Variants in PIKFYVE observed in about 807,000 individuals in gnomAD.
PIKFYVE encodes the protein phosphoinositide kinase, FYVE-type zinc finger containing, also known as 1-phosphatidylinositol 3-phosphate 5-kinase.
In PIKFYVE, 122 loss-of-function variants were observed where a neutral mutation model predicts 257.9. The ratio of observed to expected loss-of-function variants is 0.47; its 90% confidence interval spans 0.41 to 0.55. PIKFYVE has a LOEUF of 0.55. Ranked by LOEUF, PIKFYVE falls within the 20% of genes least tolerant of loss-of-function variation. PIKFYVE has a pLI of 0.00. For missense variants in PIKFYVE, 2,160 were observed against 2,536.6 expected (o/e 0.85, Z 3.19); for synonymous variants, 892 against 868.9 (o/e 1.03, Z -0.47).
chr2:208,328,752 T>C (rs953306114), intron 21 of PIKFYVE, among the ~76,000 whole-genome samples: 2 of 152,238 alleles, frequency 1.3e-5, no homozygotes, highest in Non-Finnish European at 2.9e-5. Context: ...ACAAAGTTTG[T>C]ATACATTGAA....
At chr2:208,267,761 C>T in intron 1 of PIKFYVE, among the ~76,000 whole-genome samples, 1 of 152,286 alleles carries the variant, frequency 6.6e-6, no homozygotes, top group East Asian at 1.9e-4. Context: ...CCCGCCTCGG[C>T]CTCCCAAGGT....
chr2:208,270,907 G>T (rs1301970240), intron 1 of PIKFYVE, among the ~76,000 whole-genome samples: 2 of 151,748 alleles, frequency 1.3e-5, no homozygotes, highest in Non-Finnish European at 2.9e-5. Context: ...TGGTGACTGC[G>T]CACCTATAGT....
intron 3 of PIKFYVE, among the ~76,000 whole-genome samples, chr2:208,274,824 C>T (rs1360994399): frequency 2.0e-5 from 3 of 152,224 alleles, no homozygotes; most frequent in African/African-American, 7.2e-5. Flanking sequence ...CACAACAACA[C>T]TCTTTTTGTT....
chr2:208,289,073 G>T (rs1401467925), intron 7 of PIKFYVE, among the ~76,000 whole-genome samples: 1 of 152,206 alleles, frequency 6.6e-6, no homozygotes, highest in Non-Finnish European at 1.5e-5. Flanking sequence ...AAGACGTGAA[G>T]GATGTGAGGG....
chr2:208,319,971 A>T (rs1453151987), intron 16 of PIKFYVE, among the ~76,000 whole-genome samples: 2 of 152,004 alleles, frequency 1.3e-5, no homozygotes, highest in Non-Finnish European at 2.9e-5. Flanking sequence ...GTCTCTTCTT[A>T]CAACATCAGA....
At chr2:208,272,167 G>A (rs371950854) in intron 2 of PIKFYVE, among the ~76,000 whole-genome samples, 5 of 151,918 alleles carry the variant, frequency 3.3e-5, no homozygotes, top group Admixed American at 6.6e-5. Flanking sequence ...CCCAGGAGGC[G>A]GGGCTTGCAG....
chr2:208,317,698 G>GAGAT (rs1416473560), intron 15 of PIKFYVE, among the ~76,000 whole-genome samples, 169 bp from the exon 16 acceptor site: 1 of 152,174 alleles, frequency 6.6e-6, no homozygotes, highest in African/African-American at 2.4e-5. Flanking sequence ...GAGTCATGCA[G>GAGAT]AGATGCCATT....
At position 208,302,349 on chromosome 2, in the gene PIKFYVE, T is replaced by C; in HGVS notation, c.1316T>C (p.Leu439Pro). The C allele has an allele frequency of 6.2e-7, 1 of 1,613,094 alleles. No individual in the cohort carries two copies. Among genetic ancestry groups the C allele is most frequent in the Non-Finnish European group, 8.5e-7 (1 of 1,179,100 alleles). ...FRDEYALYRP[L>P]QSTEFSETPS... Reference sequence around the variant, plus strand: ...GATGAGTATGCGCTGTATAGACCACTGCAGGTACTTTTCAGTGTTTACTGC... The same window carrying C: ...GATGAGTATGCGCTGTATAGACCACCGCAGGTACTTTTCAGTGTTTACTGC... The change falls in exon 10 of 42, where the codon CTG (leucine) becomes CCG (proline). Residue 439 changes from leucine (L) to proline (P), a missense_variant. This residue lies in a region of PIKFYVE where 90 missense variants were observed against 110.6 expected (regional missense o/e 0.81). Coordinates refer to ENST00000264380, the MANE Select transcript of PIKFYVE (RefSeq NM_015040.4).
intron 12 of PIKFYVE, among the ~76,000 whole-genome samples, chr2:208,307,825 ATC>A (rs929123358): frequency 5.3e-5 from 8 of 151,596 alleles, no homozygotes; most frequent in African/African-American, 1.2e-4. Flanking sequence ...ACATTTAATG[ATC>A]TCTCAATAAT....
Position 208,335,841 on chromosome 2 carries a change from A to G in PIKFYVE, c.4305A>G (p.Lys1435=). 6.2e-7 allele frequency: 1 copy of G among 1,613,284 alleles called. No homozygotes were observed. The highest frequency in any genetic ancestry group is 8.5e-7 in the Non-Finnish European group (1 of 1,179,482). ...TTGATGAAAGACTTGCATCTTTGAA[A>G]ACTGATACATTTAGTAAAACAAGAG... The part of the protein sequence containing the change: ...VAIDERLASL[K]TDTFSKTREE... The change falls in exon 26 of 42, where the codon AAA becomes AAG. Residue 1435 remains lysine (K), a synonymous_variant. Coordinates refer to ENST00000264380, the MANE Select transcript of PIKFYVE (RefSeq NM_015040.4).
chr2:208,336,260 T>A (rs1698132433), intron 27 of PIKFYVE, 60 bp downstream of exon 27: 1 of 1,596,088 alleles, frequency 6.3e-7, no homozygotes. Flanking sequence ...TAATGTGATA[T>A]CTTAAAACTT....
rs147966018 is a variant in PIKFYVE at position 208,350,576 on chromosome 2, A to G, written c.5435-195A>G. The stretch of plus-strand genomic sequence containing the variant: ...TTGGAAAGTATGTAAGGATGGTCAT[A>G]CGATGTTCTTTAATTCCCCCTGAAG... On this transcript the variant is annotated intron_variant, in intron 36 of 41. Coordinates refer to ENST00000264380, the MANE Select transcript of PIKFYVE (RefSeq NM_015040.4). Among the ~76,000 whole-genome samples, 1,364 of 152,176 alleles carry G rather than the reference A, an allele frequency of 9.0e-3. 9 individuals carry two copies. Among genetic ancestry groups the G allele is most frequent in the Middle Eastern group, 0.017 (5 of 294 alleles).
intron 1 of PIKFYVE, chr2:208,269,694 C>A: frequency 4.0e-6 from 1 of 248,860 alleles, no homozygotes; most frequent in Admixed American, 4.1e-5. Context: ...TGTCCCCAAA[C>A]TGGCTGTATG....
intron 5 of PIKFYVE, among the ~76,000 whole-genome samples, chr2:208,285,361 T>C (rs1005238880): frequency 3.3e-5 from 5 of 152,166 alleles, no homozygotes; most frequent in Non-Finnish European, 5.9e-5. Context: ...TCCCAAAGTG[T>C]TGGGATTATA....
chr2:208,354,699 AT>A, intron 41 of PIKFYVE, 54 bp downstream of exon 41: 1 of 1,411,746 alleles, frequency 7.1e-7, no homozygotes, highest in Non-Finnish European at 1.0e-6. Flanking sequence ...ATCAGTTAAA[AT>A]TTTAAAAGTG....
rs1693311068 is a variant in PIKFYVE at position 208,298,806 on chromosome 2, T to G, written c.1050+27T>G. ...TACTGGTCCAGTATCTTTGACCCAT[T>G]GCTAGTTTTGAGCATAGAGAATGTT... On this transcript the variant is annotated intron_variant, in intron 8 of 41. Transcript: ENST00000264380. 2.5e-6 allele frequency: 4 copies of G among 1,613,198 alleles called. No individual in the cohort carries two copies. The East Asian group carries it at 8.9e-5, about 36-fold the overall frequency.
At chr2:208,279,536 TTA>T (rs1690537069) in intron 5 of PIKFYVE, among the ~76,000 whole-genome samples, 1 of 152,220 alleles carries the variant, frequency 6.6e-6, no homozygotes, top group Admixed American at 6.5e-5. Flanking sequence ...GTTTGAGGTC[TTA>T]TATTTAAATC....
At chr2:208,294,597 A>G (rs1289886802) in intron 7 of PIKFYVE, among the ~76,000 whole-genome samples, 1 of 152,114 alleles carries the variant, frequency 6.6e-6, no homozygotes, top group African/African-American at 2.4e-5. Context: ...GTCACAGGTG[A>G]GCCTGTGCCC....
intron 7 of PIKFYVE, among the ~76,000 whole-genome samples, chr2:208,297,542 C>G (rs558964371): frequency 5.3e-4 from 80 of 152,188 alleles, no homozygotes; most frequent in African/African-American, 1.9e-3. Context: ...GGTGGCAGCC[C>G]TGATACATAT....
Sources: allele counts gnomAD v4.1 joint callset (sites outside exome capture counted in the v4.1 genomes callset), GRCh38; gene constraint gnomAD v4.1.1; regional missense constraint gnomAD v4.1.1; transcripts MANE v1.5; gene names NCBI Gene and HGNC (gene_info 2026-07-23, HGNC 2026-07-21).